CCDC181: variants seen among roughly 807,000 people sequenced by gnomAD.
The protein encoded by CCDC181 is coiled-coil domain-containing protein 181.
A neutral mutation model predicts 58.7 loss-of-function variants in CCDC181; 35 were observed. That is an observed-to-expected ratio of 0.60 (90% CI 0.46 to 0.79). The LOEUF (loss-of-function observed/expected upper bound fraction) is 0.79. CCDC181 is among the 30% of genes least tolerant of loss of function. CCDC181 has a pLI of 0.00. For synonymous variants in CCDC181, 183 were observed against 197.5 expected (o/e 0.93, Z 0.62); for missense variants, 517 against 583.9 (o/e 0.89, Z 1.18).
At chr1:169,401,066 G>A (rs968411486) in intron 4 of CCDC181, among the ~76,000 whole-genome samples, 4 of 152,202 alleles carry the variant, frequency 2.6e-5, no homozygotes, top group African/African-American at 9.7e-5. Context: ...ACAGCAGTCT[G>A]AGATCAAACT....
intron 2 of CCDC181, among the ~76,000 whole-genome samples, chr1:169,458,438 A>G (rs1177844259): frequency 6.6e-6 from 1 of 152,120 alleles, no homozygotes; most frequent in Non-Finnish European, 1.5e-5. Context: ...AGTTTCTTAT[A>G]AATGATATAA....
upstream of CCDC181, chr1:169,427,568 G>A (rs1012153060): frequency 6.6e-6 from 1 of 152,238 alleles, no homozygotes; most frequent in Non-Finnish European, 1.5e-5. Flanking sequence ...TGAAGCTGAG[G>A]TTTCTAAGGG....
intron 2 of CCDC181, among the ~76,000 whole-genome samples, chr1:169,432,657 G>A (rs1656951695): frequency 6.6e-6 from 1 of 151,988 alleles, no homozygotes. Flanking sequence ...CTGCACCATG[G>A]CCAAAAGTGA....
chr1:169,428,675 A>G (rs542462507), upstream of CCDC181, among the ~76,000 whole-genome samples: 517 of 152,172 alleles, frequency 3.4e-3, 3 homozygotes, highest in African/African-American at 0.012. Flanking sequence ...TTTGTTTTTG[A>G]GACAGAGTCT....
intron 2 of CCDC181, among the ~76,000 whole-genome samples, chr1:169,448,079 A>G (rs909963705): frequency 2.6e-5 from 4 of 152,168 alleles, no homozygotes; most frequent in Non-Finnish European, 2.9e-5. Flanking sequence ...ATAACAGTAT[A>G]CTGTTTCACA....
At chr1:169,418,331 G>A (rs1416113443) in intron 4 of CCDC181, among the ~76,000 whole-genome samples, 2 of 151,850 alleles carry the variant, frequency 1.3e-5, no homozygotes, top group Admixed American at 1.3e-4. Context: ...TAAATGTAAT[G>A]GCTTAGAAAG....
At chr1:169,416,907 T>A (rs1656240107) in intron 4 of CCDC181, among the ~76,000 whole-genome samples, 1 of 152,112 alleles carries the variant, frequency 6.6e-6, no homozygotes, top group Non-Finnish European at 1.5e-5. Context: ...TAGGAAAATA[T>A]ATAACATATA....
rs544167515 is a variant in CCDC181 at position 169,408,691 on chromosome 1, C to G, written c.1215+10322G>C. On this transcript the variant is annotated intron_variant, in intron 4 of 5. Coordinates refer to ENST00000367806, the MANE Select transcript of CCDC181 (RefSeq NM_001300969.2). The stretch of plus-strand genomic sequence containing the variant: ...GGGACAAAGCTTCCAGAGGAAGGAA[C>G]AGGAAGCAATCTTTGCTGTTCTGCA... Among the ~76,000 whole-genome samples, 88 of 152,252 alleles carry G rather than the reference C, an allele frequency of 5.8e-4. 1 individual carries two copies. Among genetic ancestry groups the G allele is most frequent in the Admixed American group, 5.6e-3 (85 of 15,302 alleles).
Position 169,395,076 on chromosome 1 carries a change from G to C in CCDC181, c.1501C>G (p.Pro501Ala), listed in dbSNP as rs1238113627. ...QHHLYMSEAK[P>A]FRFTDHYN is the part of the protein sequence containing the mutation. ...TTATAATGATCAGTAAAACGAAAAGGTTTGGCTTCTGACATATATAGGTGG... is the reference window on the plus strand; with the variant it reads ...TTATAATGATCAGTAAAACGAAAAGCTTTGGCTTCTGACATATATAGGTGG... Residue 501 changes from proline (P) to alanine (A), a missense_variant, in exon 6 of 6, where the codon CCT becomes GCT. Transcript: ENST00000367806. The C allele has an allele frequency of 1.2e-6, 2 of 1,607,308 alleles. No individual in the cohort carries two copies. Among genetic ancestry groups the C allele is most frequent in the Non-Finnish European group, 1.7e-6 (2 of 1,177,428 alleles).
chr1:169,399,852 G>A (rs957525027), intron 4 of CCDC181, among the ~76,000 whole-genome samples: 4 of 152,140 alleles, frequency 2.6e-5, no homozygotes, highest in African/African-American at 7.2e-5. Context: ...TCCAGACAAC[G>A]GTATAGGAAG....
chr1:169,460,217 A>G (rs184705553), intron 1 of CCDC181: 1 of 152,350 alleles, frequency 6.6e-6, no homozygotes, highest in East Asian at 1.9e-4. Flanking sequence ...AGACGTTTAA[A>G]ACGTCACAGA....
intron 2 of CCDC181, among the ~76,000 whole-genome samples, chr1:169,445,578 A>C (rs1657351419): frequency 6.6e-6 from 1 of 152,108 alleles, no homozygotes; most frequent in Non-Finnish European, 1.5e-5. Flanking sequence ...TGTTCATGAG[A>C]GATCAGAGTC....
chr1:169,455,036 C>T (rs992796581), intron 2 of CCDC181, among the ~76,000 whole-genome samples: 60 of 151,626 alleles, frequency 4.0e-4, no homozygotes, highest in African/African-American at 1.4e-3. Context: ...TGTTTTTTGC[C>T]ACTGTATAAC....
At chr1:169,431,781 G>A (rs1369628398), upstream of CCDC181, among the ~76,000 whole-genome samples, 1 of 152,134 alleles carries the variant, frequency 6.6e-6, no homozygotes, top group African/African-American at 2.4e-5. Context: ...TCCTCCTATT[G>A]ATGAGGGTCT....
At chr1:169,395,277 A>G (rs1341135016) in intron 5 of CCDC181, 71 bp from the exon 6 acceptor site, 2 of 1,289,224 alleles carry the variant, frequency 1.6e-6, no homozygotes, top group Non-Finnish European at 2.1e-6. Flanking sequence ...TAAAGTTACT[A>G]TTATAGACAA....
Position 169,421,538 on chromosome 1 carries a change from C to A in CCDC181, c.893G>T (p.Arg298Leu), listed in dbSNP as rs370836189. Residue 298 changes from arginine to leucine, a missense_variant, in exon 3 of 6, where the codon CGC becomes CTC. Coordinates refer to ENST00000367806, the MANE Select transcript of CCDC181 (RefSeq NM_001300969.2). ...LAYIAQPPLN[R>L]KTCPSSAVNS... The stretch of plus-strand genomic sequence containing the variant: ...GACAGCAGAGCTTGGACAAGTCTTG[C>A]GGTTGAGTGGTGGCTGAGCGATATA... 3.7e-6 allele frequency: 6 copies of A among 1,613,896 alleles called. No individual in the cohort carries two copies. The African/African-American group carries it at 8.0e-5, about 22-fold the overall frequency.
intron 2 of CCDC181, among the ~76,000 whole-genome samples, chr1:169,451,551 T>TA (rs1245151833): frequency 6.6e-6 from 1 of 152,128 alleles, no homozygotes; most frequent in African/African-American, 2.4e-5. Context: ...AGCAAACTGT[T>TA]ATAATGATTG....
At position 169,451,834 on chromosome 1, in the gene CCDC181, CTT is replaced by C. The variant is rs200104041; in HGVS notation, c.-24+7961_-24+7962del. On this transcript the variant is annotated intron_variant, in intron 2 of 6. Coordinates refer to the CCDC181 transcript ENST00000545005. Reference sequence around the variant, plus strand: ...GAAAGGACAGAGGAGTCAAAGATAACTTATGGCTTTTAGCTTGTGCAAATGAA... The same window carrying C: ...GAAAGGACAGAGGAGTCAAAGATAACATGGCTTTTAGCTTGTGCAAATGAA... 9.0e-3 allele frequency among the ~76,000 whole-genome samples: 1,368 copies of C among 151,940 alleles called. 16 individuals are homozygous for C. Among genetic ancestry groups the C allele is most frequent in the Non-Finnish European group, 0.014 (985 of 67,946 alleles).
intron 5 of CCDC181, among the ~76,000 whole-genome samples, chr1:169,396,766 T>C (rs1361623364): frequency 1.3e-5 from 2 of 152,194 alleles, no homozygotes; most frequent in African/African-American, 4.8e-5. Flanking sequence ...CCAAAATATG[T>C]ACCCAAATCT....
Sources: allele counts gnomAD v4.1 joint callset (sites outside exome capture counted in the v4.1 genomes callset), GRCh38; gene constraint gnomAD v4.1.1; transcripts MANE v1.5; gene names NCBI Gene and HGNC (gene_info 2026-07-23, HGNC 2026-07-21).